Variants in AMMECR1 observed in about 807,000 individuals in gnomAD.
The protein encoded by AMMECR1 is nuclear protein AMMECR1.
AMMECR1 carries 3 observed loss-of-function variants against 22.5 expected under a neutral mutation model. The observed-to-expected ratio is 0.13, with a 90% CI of 0.06 to 0.35. AMMECR1 has a LOEUF of 0.35. Among genes scored for constraint, AMMECR1 ranks in the 10% least tolerant of loss-of-function variants. The probability of loss-of-function intolerance (pLI) is 1.00; values close to 1 mark genes in which losing one functional copy is unlikely to be tolerated. For synonymous variants in AMMECR1, 130 were observed against 116.7 expected, an observed-to-expected ratio of 1.11 and a Z score of -0.74; for missense variants, 235 against 278.7, an observed-to-expected ratio of 0.84 and a Z score of 1.12.
chrX:110,275,963 TTTC>T (rs1400218325), intron 1 of AMMECR1, among the ~76,000 whole-genome samples: 1 of 112,013 alleles, frequency 8.9e-6, no homozygotes, highest in Non-Finnish European at 1.9e-5. Flanking sequence ...CTAGCCATTA[TTTC>T]TTCAATTTTT....
At chrX:110,346,771 G>T (rs772400442) in intron 2 of AMMECR1, 25 of 777,082 alleles carry the variant, frequency 3.2e-5, no homozygotes, top group Non-Finnish European at 4.6e-5. Flanking sequence ...GTCAGCAGAG[G>T]GTCATGTTGA....
chrX:110,251,724 A>G (rs1320159348), intron 2 of AMMECR1, among the ~76,000 whole-genome samples: 1 of 111,901 alleles, frequency 8.9e-6, no homozygotes, highest in African/African-American at 3.2e-5. Flanking sequence ...GGGCAGAACC[A>G]ACAGGAAATA....
At chrX:110,366,420 G>A (rs2068297678) in intron 2 of AMMECR1, among the ~76,000 whole-genome samples, 1 of 111,619 alleles carries the variant, frequency 9.0e-6, no homozygotes, top group Admixed American at 9.5e-5. Context: ...CAGAGATGGT[G>A]GTGAGGGACT....
At chrX:110,383,923 C>T in intron 2 of AMMECR1, among the ~76,000 whole-genome samples, 1 of 111,821 alleles carries the variant, frequency 8.9e-6, no homozygotes, top group Non-Finnish European at 1.9e-5. Flanking sequence ...GATGTTGAGC[C>T]AATTACTTCG....
intron 5 of AMMECR1, among the ~76,000 whole-genome samples, chrX:110,199,879 G>T (rs951876816): frequency 9.1e-6 from 1 of 110,448 alleles, no homozygotes; most frequent in Non-Finnish European, 1.9e-5. Flanking sequence ...GCTACCAATT[G>T]CCTATAGAAC....
At chrX:110,288,281 T>A (rs1301187972) in intron 1 of AMMECR1, among the ~76,000 whole-genome samples, 2 of 111,621 alleles carry the variant, frequency 1.8e-5, no homozygotes, top group Non-Finnish European at 3.8e-5. Context: ...CTTTGAAGAG[T>A]GGAGAGTTCT....
intron 2 of AMMECR1, among the ~76,000 whole-genome samples, chrX:110,233,102 AAGAG>A: frequency 9.1e-6 from 1 of 109,634 alleles, no homozygotes; most frequent in Non-Finnish European, 1.9e-5. Flanking sequence ...GACTAATAAG[AAGAG>A]AGAGAAGAAT....
chrX:110,280,690 GT>G (rs2067847861), intron 1 of AMMECR1, among the ~76,000 whole-genome samples: 2 of 111,488 alleles, frequency 1.8e-5, no homozygotes, highest in South Asian at 3.7e-4. Flanking sequence ...AATGTATAAT[GT>G]TTCCTGACAC....
chrX:110,326,933 C>T lies in AMMECR1; in HGVS notation c.-147-9084G>A, dbSNP rs1041875723. Among the ~76,000 whole-genome samples the T allele has an allele frequency of 2.7e-5, 3 of 111,585 alleles. No individual in the cohort carries two copies. The South Asian group carries it at 1.1e-3, about 42-fold the overall frequency. ...AGGTAGAGTCAACAAGACTTACTGA[C>T]ACATATTTTGTTGAGGTCAGGAAAA... On this transcript the variant is annotated intron_variant, in intron 2 of 7. Coordinates refer to the AMMECR1 transcript ENST00000372057.
At chrX:110,338,962 A>C (rs1179448550) in intron 2 of AMMECR1, among the ~76,000 whole-genome samples, 1 of 111,712 alleles carries the variant, frequency 9.0e-6, no homozygotes, top group Non-Finnish European at 1.9e-5. Flanking sequence ...CCTGGAATAA[A>C]ACATAAATAT....
chrX:110,296,210 T>C (rs1370190142), intron 1 of AMMECR1, among the ~76,000 whole-genome samples: 2 of 112,265 alleles, frequency 1.8e-5, no homozygotes, highest in African/African-American at 3.2e-5. Context: ...TCTTATTTTC[T>C]AACATTTTGA....
At position 110,359,182 on chromosome X, in the gene AMMECR1, G is replaced by T. The variant is rs185627847; in HGVS notation, c.-147-41333C>A. Among the ~76,000 whole-genome samples, 6 of 111,259 alleles carry T rather than the reference G, an allele frequency of 5.4e-5. No individual in the cohort carries two copies. The East Asian group carries it at 1.7e-3, about 31-fold the overall frequency. On this transcript the variant is annotated intron_variant, in intron 2 of 7. Coordinates refer to the AMMECR1 transcript ENST00000372057. The stretch of plus-strand genomic sequence containing the variant: ...CCTAGGCAGTCTGGATCTAGTGGCT[G>T]TGTTATACTGCTTCGCAACAGAAAC...
chrX:110,220,718 C>A (rs917940345), intron 2 of AMMECR1, among the ~76,000 whole-genome samples: 1 of 111,573 alleles, frequency 9.0e-6, no homozygotes, highest in Non-Finnish European at 1.9e-5. Flanking sequence ...ATATTCAATT[C>A]AAATTGGCAC....
At chrX:110,318,215 C>T (rs1400591837), upstream of AMMECR1, 9 of 354,399 alleles carry the variant, frequency 2.5e-5, no homozygotes, top group Non-Finnish European at 3.3e-5. Flanking sequence ...CCCCGTCTGC[C>T]TAGCCACGCG....
intron 2 of AMMECR1, among the ~76,000 whole-genome samples, chrX:110,370,907 A>T (rs1220076607): frequency 3.6e-5 from 4 of 112,134 alleles, no homozygotes; most frequent in Non-Finnish European, 7.5e-5. Context: ...TACTCTTTTC[A>T]CATCTTCTGC....
intron 2 of AMMECR1, among the ~76,000 whole-genome samples, chrX:110,227,351 T>C (rs1244320507): frequency 8.9e-6 from 1 of 112,050 alleles, no homozygotes; most frequent in Non-Finnish European, 1.9e-5. Flanking sequence ...CTGGTTCCTA[T>C]CATGCGGCCT....
At chrX:110,283,770 A>C (rs763917735) in intron 1 of AMMECR1, among the ~76,000 whole-genome samples, 14 of 112,305 alleles carry the variant, frequency 1.2e-4, no homozygotes, top group Non-Finnish European at 2.3e-4. Context: ...ATACCGTAGC[A>C]CCTGGTAAGG....
intron 2 of AMMECR1, among the ~76,000 whole-genome samples, chrX:110,362,539 C>A (rs1331780764): frequency 8.9e-6 from 1 of 112,427 alleles, no homozygotes; most frequent in Non-Finnish European, 1.9e-5. Flanking sequence ...CTCCCAGAAG[C>A]TGGGCGACTG....
intron 1 of AMMECR1, among the ~76,000 whole-genome samples, chrX:110,427,400 G>A (rs768655727): frequency 2.7e-5 from 3 of 111,700 alleles, no homozygotes; most frequent in African/African-American, 9.8e-5. Context: ...GTTAGAGTAC[G>A]TACTCATTAG....
Sources: allele counts gnomAD v4.1 joint callset (sites outside exome capture counted in the v4.1 genomes callset), GRCh38; gene constraint gnomAD v4.1.1; transcripts MANE v1.5; gene names NCBI Gene and HGNC (gene_info 2026-07-23, HGNC 2026-07-21).